The following HSPA12A variants were observed in gnomAD, a reference collection of about 807,000 sequenced individuals.
The protein encoded by HSPA12A is heat shock 70 kDa protein 12A.
A neutral mutation model predicts 69.2 loss-of-function variants in HSPA12A; 28 were observed. The ratio of observed to expected loss-of-function variants is 0.40; its 90% CI spans 0.30 to 0.55. The LOEUF (loss-of-function observed/expected upper bound fraction) is 0.55, where lower values mean the gene tolerates loss of function less well. Ranked by LOEUF, HSPA12A falls within the 20% of genes least tolerant of loss-of-function variation. The pLI, the probability that HSPA12A is intolerant of heterozygous loss-of-function variation, is 0.38. For missense variants in HSPA12A, 686 were observed against 900.7 expected, an observed-to-expected ratio of 0.76 and a Z score of 3.05; for synonymous variants, 345 against 370.5, an observed-to-expected ratio of 0.93 and a Z score of 0.79.
rs138482154 is a variant in HSPA12A, at chr10:116,781,868, A to C, written c.91+53067T>G. Among the ~76,000 whole-genome samples, 1,202 of 152,326 alleles carry C rather than the reference A, an allele frequency of 7.9e-3. 7 individuals are homozygous for C. The highest frequency in any genetic ancestry group is 0.012 in the Non-Finnish European group (809 of 68,028). On this transcript the variant is annotated intron_variant, in intron 2 of 12. Transcript: ENST00000635765. The stretch of plus-strand genomic sequence containing the variant: ...TCTTAAAACAAGTCTTCAAACATGC[A>C]AACAGTAAAGGAGAAGACTGATTCA...
rs1018022458 is a variant in HSPA12A at position 116,805,349 on chromosome 10, G to A, written c.91+29586C>T. On this transcript the variant is annotated intron_variant, in intron 2 of 12. Transcript: ENST00000635765. ...AAAAACTGCAGGGAATTTTCAGGTAGTTCTATTCCATTTTAAAGCTGGAGT... is the reference window on the plus strand; with the variant it reads ...AAAAACTGCAGGGAATTTTCAGGTAATTCTATTCCATTTTAAAGCTGGAGT... Among the ~76,000 whole-genome samples the A allele has an allele frequency of 2.0e-5, 3 of 152,052 alleles. No homozygotes were observed. In the South Asian group the frequency reaches 6.2e-4, roughly 32 times the overall value.
chr10:116,779,566 G>T (rs1054427335), intron 2 of HSPA12A, among the ~76,000 whole-genome samples: 6 of 152,186 alleles, frequency 3.9e-5, no homozygotes, highest in Non-Finnish European at 8.8e-5. Flanking sequence ...GACAGGGAAG[G>T]TTGCAGGTGG....
At chr10:116,841,018 G>GT (rs1372121519) in intron 1 of HSPA12A, among the ~76,000 whole-genome samples, 1 of 152,136 alleles carries the variant, frequency 6.6e-6, no homozygotes, top group Non-Finnish European at 1.5e-5. Flanking sequence ...TCCCTTGGCC[G>GT]TATCTCTAGG....
chr10:116,707,354 T>G lies in HSPA12A; in HGVS notation c.41-69A>C, dbSNP rs1220583790. The G allele has an allele frequency of 1.1e-4, 139 of 1,236,918 alleles. 1 individual carries two copies. The highest frequency in any genetic ancestry group is 3.7e-5 in the Non-Finnish European group (32 of 862,418). The allele number at this position is 1,236,918 out of a possible 1,614,324, so 76.6% of individuals were successfully genotyped here. ...TGACCCAGGGGGAAGAAATGAGGGCTGCATGGCCTTAACTCCTCCAGGAAC... is the reference window on the plus strand; with the variant it reads ...TGACCCAGGGGGAAGAAATGAGGGCGGCATGGCCTTAACTCCTCCAGGAAC... On this transcript the variant is annotated intron_variant, in intron 1 of 11. Transcript: ENST00000369209.
At chr10:116,682,456 G>T (rs1019578526) in intron 7 of HSPA12A, among the ~76,000 whole-genome samples, 28 of 117,788 alleles carry the variant, frequency 2.4e-4, no homozygotes, top group African/African-American at 1.1e-3. Flanking sequence ...TAAATAGACT[G>T]GGGGGGGGGG....
chr10:116,789,965 C>T (rs1474828777), intron 2 of HSPA12A, among the ~76,000 whole-genome samples: 1 of 152,152 alleles, frequency 6.6e-6, no homozygotes. Context: ...CCCTCCACAG[C>T]AGCCAGTGAG....
rs552062796 is a variant in HSPA12A, at chr10:116,776,685, C to CA, written c.91+58249dup. ...TGATTCAGTGGATGCCACAGAGCAT[C>CA]AAAATATAAGAGCAATTAAAAATAC... On this transcript the variant is annotated intron_variant, in intron 2 of 12. Transcript: ENST00000635765. Among the ~76,000 whole-genome samples, 7 of 152,256 alleles carry CA rather than the reference C, an allele frequency of 4.6e-5. No homozygotes were observed. The South Asian group carries it at 1.2e-3, about 27-fold the overall frequency.
chr10:116,802,958 G>A (rs1028625577), intron 2 of HSPA12A, among the ~76,000 whole-genome samples: 1 of 152,188 alleles, frequency 6.6e-6, no homozygotes, highest in Non-Finnish European at 1.5e-5. Flanking sequence ...CTGGGTTCCC[G>A]AACGAAGGAG....
At chr10:116,804,146 C>T (rs1845018659) in intron 2 of HSPA12A, among the ~76,000 whole-genome samples, 1 of 152,114 alleles carries the variant, frequency 6.6e-6, no homozygotes, top group Non-Finnish European at 1.5e-5. Flanking sequence ...TTCCTCCCTC[C>T]TCCCTCCAAA....
chr10:116,671,365 A>G lies in HSPA12A; in HGVS notation c.*3416T>C, dbSNP rs1849069097. The G allele has an allele frequency of 6.6e-6, 1 of 152,190 alleles. No homozygotes were observed. The highest frequency in any genetic ancestry group is 1.5e-5 in the Non-Finnish European group (1 of 68,024). The allele number at this position is 152,190 out of a possible 1,614,324, so 9.4% of individuals were successfully genotyped here. ...TACTGGTCCATATTTCAAGCAGATGAGAGGTGTGGCATTATGGCCAACAAC... is the reference window on the plus strand; with the variant it reads ...TACTGGTCCATATTTCAAGCAGATGGGAGGTGTGGCATTATGGCCAACAAC... On this transcript the variant is annotated 3_prime_UTR_variant, in exon 12 of 12. Coordinates refer to ENST00000369209, the MANE Select transcript of HSPA12A (RefSeq NM_025015.3).
chr10:116,766,243 T>G (rs1844074856), intron 2 of HSPA12A, among the ~76,000 whole-genome samples: 1 of 152,188 alleles, frequency 6.6e-6, no homozygotes, highest in African/African-American at 2.4e-5. Flanking sequence ...CCTAGGCTGC[T>G]GGTTAGGATG....
At chr10:116,740,930 T>A (rs1006552) in intron 1 of HSPA12A, among the ~76,000 whole-genome samples, 84,872 of 139,014 alleles carry the variant, frequency 0.61, 25,722 homozygotes, top group South Asian at 0.73. Context: ...GTCCTAAAAA[T>A]TTTTTTATTT....
At chr10:116,849,837 A>T (rs1320717746), upstream of HSPA12A, 2 of 1,294,876 alleles carry the variant, frequency 1.5e-6, no homozygotes, top group African/African-American at 1.5e-5. Flanking sequence ...CTCGCATGCC[A>T]GCCGCCCGGG....
rs1375847257 is a variant in HSPA12A at position 116,686,807 on chromosome 10, T to G, written c.664-2845A>C. ...ACCCCTCATCCCTCTTCCCACACCATAAGCTCCACCCCCACCCCTTCCCAA... is the reference window on the plus strand; with the variant it reads ...ACCCCTCATCCCTCTTCCCACACCAGAAGCTCCACCCCCACCCCTTCCCAA... On this transcript the variant is annotated intron_variant, in intron 6 of 11. Transcript: ENST00000369209. This position sits in a 1 kb window ranked among gnomAD's most constrained non-coding sequence, Gnocchi z 4.1. Among the ~76,000 whole-genome samples, 6 of 150,016 alleles carry G rather than the reference T, an allele frequency of 4.0e-5. No homozygotes were observed. Among genetic ancestry groups the G allele is most frequent in the African/African-American group, 1.5e-4 (6 of 40,604 alleles).
chr10:116,733,002 C>A (rs1348536392), intron 1 of HSPA12A, among the ~76,000 whole-genome samples: 1 of 152,146 alleles, frequency 6.6e-6, no homozygotes, highest in Non-Finnish European at 1.5e-5. Flanking sequence ...ACAACCTGGT[C>A]CCATCTAGCT....
At chr10:116,798,466 T>C (rs1844882230) in intron 2 of HSPA12A, among the ~76,000 whole-genome samples, 1 of 152,146 alleles carries the variant, frequency 6.6e-6, no homozygotes, top group African/African-American at 2.4e-5. Flanking sequence ...CAGCCCACAT[T>C]AGCAATGTTC....
At chr10:116,838,063 A>C (rs1845746368) in intron 1 of HSPA12A, among the ~76,000 whole-genome samples, 1 of 152,174 alleles carries the variant, frequency 6.6e-6, no homozygotes, top group Non-Finnish European at 1.5e-5. Flanking sequence ...TTAAAAAAAA[A>C]CAAGATTTAT....
chr10:116,703,530 T>A (rs1367435474), intron 3 of HSPA12A, among the ~76,000 whole-genome samples: 1 of 109,818 alleles, frequency 9.1e-6, no homozygotes, highest in African/African-American at 3.8e-5. Context: ...CAAGAGCCTG[T>A]CTCTTAAAAA....
chr10:116,676,521 G>A lies in HSPA12A; in HGVS notation c.1287-19C>T, dbSNP rs782727422. 5.0e-6 allele frequency: 8 copies of A among 1,591,080 alleles called. No homozygotes were observed. The East Asian group carries it at 1.6e-4, about 31-fold the overall frequency. Reference sequence around the variant, plus strand: ...ATCCACACTGCAGGAGCATAGCATGGAGAAGAGCAGGCAGTGAGGGTCTAC... The same window carrying A: ...ATCCACACTGCAGGAGCATAGCATGAAGAAGAGCAGGCAGTGAGGGTCTAC... On this transcript the variant is annotated intron_variant, in intron 10 of 11. Transcript: ENST00000369209.
Sources: gnomAD v4.1 joint callset for allele counts (sites outside exome capture counted in the v4.1 genomes callset) on GRCh38, gnomAD v4.1.1 for gene constraint, Gnocchi (gnomAD v3.1) non-coding constraint, MANE v1.5 for transcripts, NCBI Gene and HGNC (gene_info 2026-07-23, HGNC 2026-07-21) for gene names.